SMC4: variants seen among roughly 807,000 people sequenced by gnomAD.
The protein encoded by SMC4 is structural maintenance of chromosomes protein 4.
SMC4 carries 87 observed loss-of-function variants against 145.6 expected under a neutral mutation model. That is an observed-to-expected ratio of 0.60 (90% CI 0.50 to 0.71). SMC4 has a LOEUF of 0.71. Ranked by LOEUF, SMC4 falls within the 30% of genes least tolerant of loss-of-function variation. The pLI, the probability that SMC4 is intolerant of heterozygous loss-of-function variation, is 0.00. For missense variants in SMC4, 1,447 were observed against 1,537.1 expected (o/e 0.94, Z 0.98); for synonymous variants, 558 against 500.7 (o/e 1.11, Z -1.53).
Position 160,402,742 on chromosome 3 carries a change from G to C in SMC4, c.385G>C (p.Val129Leu). 1 of 1,611,882 alleles carries C rather than the reference G, an allele frequency of 6.2e-7. No individual in the cohort carries two copies. Among genetic ancestry groups the C allele is most frequent in the Non-Finnish European group, 8.5e-7 (1 of 1,179,472 alleles). ...CAATGTTATTGATTCTATGCTTTTT[G>C]TGTTTGGCTATCGAGCACAAAAAAT... is the stretch of plus-strand genomic sequence containing the variant. Reference protein sequence around the residue: ...KSNVIDSMLFVFGYRAQKIRS... With the variant: ...KSNVIDSMLFLFGYRAQKIRS... The change falls in exon 4 of 24, where the codon GTG becomes CTG. Residue 129 changes from valine to leucine, a missense_variant. Coordinates refer to ENST00000357388, the MANE Select transcript of SMC4 (RefSeq NM_001002800.3).
rs1028972305 is a variant in SMC4, at chr3:160,402,163, A to G, written c.318+70A>G. 14 of 1,044,994 alleles carry G rather than the reference A, an allele frequency of 1.3e-5. No homozygotes were observed. In the African/African-American group the frequency reaches 2.4e-4, roughly 18 times the overall value. 64.7% of individuals were successfully genotyped at this position (1,044,994 alleles called of 1,614,324 possible). On this transcript the variant is annotated intron_variant, in intron 3 of 23. Coordinates refer to ENST00000357388, the MANE Select transcript of SMC4 (RefSeq NM_001002800.3). ...TTGTAAGGTAATACGTTTTTACAAG[A>G]TGTTTCAGTTTTGTAACTATCCTAA...
At chr3:160,407,637 T>C (rs1306706719) in intron 5 of SMC4, among the ~76,000 whole-genome samples, 1 of 152,128 alleles carries the variant, frequency 6.6e-6, no homozygotes, top group Non-Finnish European at 1.5e-5. Flanking sequence ...AGTTGTTGCC[T>C]AGCCATCTGT....
At chr3:160,400,553 C>A in intron 1 of SMC4, 1 of 396,784 alleles carries the variant, frequency 2.5e-6, no homozygotes, top group Non-Finnish European at 4.5e-6. Flanking sequence ...GCCTTAAAAA[C>A]AACAACAACA....
intron 23 of SMC4, 184 bp downstream of exon 23, chr3:160,433,393 G>T: frequency 1.8e-6 from 1 of 544,964 alleles, no homozygotes. Context: ...TTCCATTTTG[G>T]AGGAGTAAAA....
Position 160,430,589 on chromosome 3 carries a change from GCTT to G in SMC4, c.2796-6_2796-4del. ...TACCACATTTTTGATGCATCATTTT[GCTT>G]CTTTAGAAACCTTCAAAAGGCACAA... On this transcript the variant is annotated splice_polypyrimidine_tract_variant and splice_region_variant and intron_variant, in intron 18 of 23. Transcript: ENST00000357388. The G allele has an allele frequency of 1.9e-6, 3 of 1,548,438 alleles. No individual in the cohort carries two copies. Among genetic ancestry groups the G allele is most frequent in the Non-Finnish European group, 2.6e-6 (3 of 1,150,464 alleles).
At chr3:160,416,510 A>G (rs1716611059) in intron 10 of SMC4, 95 bp downstream of exon 10, 1 of 757,772 alleles carries the variant, frequency 1.3e-6, no homozygotes, top group East Asian at 2.7e-5. Context: ...CTGAACTGGT[A>G]AGTTTGGACT....
rs1221154170 is a variant in SMC4, at chr3:160,418,703, C to T, written c.1672-655C>T. Among the ~76,000 whole-genome samples the T allele has an allele frequency of 2.6e-5, 4 of 152,254 alleles. No homozygotes were observed. In the East Asian group the frequency reaches 7.7e-4, roughly 29 times the overall value. The stretch of plus-strand genomic sequence containing the variant: ...AATTATGTCAGTAACTTGGTTTAAA[C>T]TTTATGCCAGTACAGTAAGTAATAG... On this transcript the variant is annotated intron_variant, in intron 11 of 23. Coordinates refer to ENST00000357388, the MANE Select transcript of SMC4 (RefSeq NM_001002800.3).
At position 160,416,318 on chromosome 3, in the gene SMC4, A is replaced by G; in HGVS notation, c.1340A>G (p.Asn447Ser). The G allele has an allele frequency of 6.2e-7, 1 of 1,606,772 alleles. No homozygotes were observed. The highest frequency in any genetic ancestry group is 8.5e-7 in the Non-Finnish European group (1 of 1,176,026). The change falls in exon 10 of 24, where the codon AAT becomes AGT. Residue 447 changes from asparagine to serine, a missense_variant. Transcript: ENST00000357388. ...ATTAATGAAACAACAACCAGAAACA[A>G]TGCCCTCGAGAAGGAAAAAGAGAAA... ...NIINETTTRN[N>S]ALEKEKEKEE...
chr3:160,400,571 C>A, intron 1 of SMC4: 2 of 448,282 alleles, frequency 4.5e-6, no homozygotes, highest in South Asian at 3.9e-5. Context: ...ACAAACTAAG[C>A]AGTTGCTCAA....
At chr3:160,413,361 T>C in intron 7 of SMC4, 112 bp from the exon 8 acceptor site, 1 of 1,032,796 alleles carries the variant, frequency 9.7e-7, no homozygotes, top group Non-Finnish European at 1.4e-6. Flanking sequence ...CAGTCATATA[T>C]TGACTAGTTA....
intron 18 of SMC4, among the ~76,000 whole-genome samples, chr3:160,429,947 C>T (rs1036740027): frequency 6.6e-6 from 1 of 150,984 alleles, no homozygotes; most frequent in East Asian, 2.0e-4. Flanking sequence ...GAACTCCTGA[C>T]GTCATGGTCC....
chr3:160,425,053 T>TGTGTGTG, intron 16 of SMC4, 34 bp downstream of exon 16: 1 of 1,532,960 alleles, frequency 6.5e-7, no homozygotes, highest in Non-Finnish European at 8.8e-7. Context: ...TGTGTGTGTG[T>TGTGTGTG]ACTGAAACTA....
In SMC4 at chr3:160,418,039, G is replaced by A. The variant is rs1716773617; in HGVS notation, c.1671+83G>A. The A allele has an allele frequency of 2.9e-6, 3 of 1,049,848 alleles. No individual in the cohort carries two copies. The East Asian group carries it at 7.8e-5, about 27-fold the overall frequency. 65.0% of individuals were successfully genotyped at this position (1,049,848 alleles called of 1,614,324 possible). Reference sequence around the variant, plus strand: ...ATTTTTGTTTTTAATCTCCGCGTCAGAGGTGACTAGTGATAAATTTTCTTC... The same window carrying A: ...ATTTTTGTTTTTAATCTCCGCGTCAAAGGTGACTAGTGATAAATTTTCTTC... On this transcript the variant is annotated intron_variant, in intron 11 of 23. Coordinates refer to ENST00000357388, the MANE Select transcript of SMC4 (RefSeq NM_001002800.3).
rs201828399 is a variant in SMC4 at position 160,416,445 on chromosome 3, T to G, written c.1437+30T>G. ...GTTTTTTTTTTTTATCAGTGTTTAT[T>G]TTGGTGGCTTTTTTTTTTTTAACTT... On this transcript the variant is annotated intron_variant, in intron 10 of 23. Coordinates refer to ENST00000357388, the MANE Select transcript of SMC4 (RefSeq NM_001002800.3). 121 of 1,353,688 alleles carry G rather than the reference T, an allele frequency of 8.9e-5. No homozygotes were observed. In the African/African-American group the frequency reaches 1.6e-3, roughly 18 times the overall value. 83.9% of individuals were successfully genotyped at this position (1,353,688 alleles called of 1,614,324 possible).
At chr3:160,411,883 A>G (rs1350972991) in intron 5 of SMC4, 37 bp from the exon 6 acceptor site, 4 of 1,579,986 alleles carry the variant, frequency 2.5e-6, no homozygotes, top group Non-Finnish European at 3.5e-6. Context: ...TTAGCTAAAC[A>G]TACACAGTGA....
Position 160,401,239 on chromosome 3 carries a change from A to G in SMC4, c.139+274A>G, listed in dbSNP as rs562425263. Among the ~76,000 whole-genome samples the G allele has an allele frequency of 1.4e-4, 21 of 152,214 alleles. No homozygotes were observed. The East Asian group carries it at 3.1e-3, about 22-fold the overall frequency. On this transcript the variant is annotated intron_variant, in intron 2 of 23. Transcript: ENST00000357388. ...TGTGGAATGGTACAGGTCACAAACA[A>G]AAATTCAATATCTTTATTGTATTCC...
intron 8 of SMC4, chr3:160,413,881 T>A (rs1232395581): frequency 3.3e-6 from 1 of 305,760 alleles, no homozygotes; most frequent in East Asian, 9.8e-5. Context: ...CTTCACAGTT[T>A]AATCTTTTAG....
At chr3:160,402,276 G>A (rs1338152625) in intron 3 of SMC4, among the ~76,000 whole-genome samples, 183 bp downstream of exon 3, 1 of 151,908 alleles carries the variant, frequency 6.6e-6, no homozygotes, top group Non-Finnish European at 1.5e-5. Context: ...TTTTAACACT[G>A]AAATTATCTT....
Position 160,426,159 on chromosome 3 carries a change from A to G in SMC4, c.2564A>G (p.Lys855Arg). The change falls in exon 17 of 24, where the codon AAG becomes AGG. Residue 855 changes from lysine to arginine, a missense_variant. Physicochemically the swap from Lys to Arg is conservative, Grantham distance 26. Coordinates refer to ENST00000357388, the MANE Select transcript of SMC4 (RefSeq NM_001002800.3). ...CTTGCTACAGCCCCTGACAAAAAAA[A>G]GCAGAAATTGCTAGAAGAAAACGTT... ...NVLATAPDKK[K>R]QKLLEENVSA... 6.2e-7 allele frequency: 1 copy of G among 1,610,666 alleles called. No homozygotes were observed. The highest frequency in any genetic ancestry group is 2.2e-5 in the East Asian group (1 of 44,778).
Sources: allele counts gnomAD v4.1 joint callset (sites outside exome capture counted in the v4.1 genomes callset), GRCh38; gene constraint gnomAD v4.1.1; transcripts MANE v1.5; gene names NCBI Gene and HGNC (gene_info 2026-07-23, HGNC 2026-07-21).